The following ENTREP2 variants were observed in gnomAD, a reference collection of about 807,000 sequenced individuals.
ENTREP2 encodes protein ENTREP2.
chr15:29,144,709 G>T, the ENTREP2 span, among the ~76,000 whole-genome samples: 4,637 of 152,038 alleles, frequency 0.03, 217 homozygotes, highest in African/African-American at 0.1. Flanking sequence ...CAGCTGGGGG[G>T]ACAGAGTGAG....
At chr15:29,181,652 C>T in the ENTREP2 span, among the ~76,000 whole-genome samples, 2 of 151,952 alleles carry the variant, frequency 1.3e-5, no homozygotes, top group African/African-American at 2.4e-5. Flanking sequence ...TGTATATTCA[C>T]TATATTAACA....
chr15:29,264,268 C>CA, the ENTREP2 span, among the ~76,000 whole-genome samples: 1 of 151,808 alleles, frequency 6.6e-6, no homozygotes, highest in Admixed American at 6.6e-5. Flanking sequence ...TCCCACTGGC[C>CA]AAATCAGGGA....
chr15:29,220,736 T>G, the ENTREP2 span, among the ~76,000 whole-genome samples: 1 of 152,150 alleles, frequency 6.6e-6, no homozygotes, highest in Non-Finnish European at 1.5e-5. Context: ...TAGGAAAAAG[T>G]TATTTAATTC....
chr15:29,483,967 A>C, the ENTREP2 span, among the ~76,000 whole-genome samples: 1 of 152,182 alleles, frequency 6.6e-6, no homozygotes, highest in African/African-American at 2.4e-5. Flanking sequence ...CACTATGATG[A>C]CACCTCACTG....
At chr15:29,419,382 A>C in the ENTREP2 span, among the ~76,000 whole-genome samples, 2 of 152,206 alleles carry the variant, frequency 1.3e-5, no homozygotes, top group Admixed American at 1.3e-4. Context: ...CAAATTAGAT[A>C]CAGAAGATAA....
chr15:29,365,150 G>A, the ENTREP2 span, among the ~76,000 whole-genome samples: 1 of 152,050 alleles, frequency 6.6e-6, no homozygotes, highest in Non-Finnish European at 1.5e-5. Flanking sequence ...AATGTCATAT[G>A]GTTGGAACTA....
the ENTREP2 span, among the ~76,000 whole-genome samples, chr15:29,406,288 T>A: frequency 6.6e-6 from 1 of 152,376 alleles, no homozygotes; most frequent in East Asian, 1.9e-4. Flanking sequence ...AACATAAGCC[T>A]GTAATCCCAG....
At chr15:29,158,518 G>A in the ENTREP2 span, among the ~76,000 whole-genome samples, 4 of 150,476 alleles carry the variant, frequency 2.7e-5, no homozygotes, top group South Asian at 4.2e-4. Context: ...GGATTCTCCT[G>A]CCTCAGCCTC....
At chr15:29,255,693 C>T in the ENTREP2 span, among the ~76,000 whole-genome samples, 37 of 152,068 alleles carry the variant, frequency 2.4e-4, no homozygotes, top group African/African-American at 7.5e-4. Flanking sequence ...TGGAATACTA[C>T]GCAACCATAA....
At chr15:29,203,989 C>T in the ENTREP2 span, among the ~76,000 whole-genome samples, 1 of 152,142 alleles carries the variant, frequency 6.6e-6, no homozygotes, top group African/African-American at 2.4e-5. Context: ...ATAAAATAAC[C>T]CTTCAATGAC....
At chr15:29,534,209 T>C in the ENTREP2 span, among the ~76,000 whole-genome samples, 2 of 149,124 alleles carry the variant, frequency 1.3e-5, no homozygotes, top group African/African-American at 2.5e-5. Context: ...CAAACCAAAC[T>C]GTGGCTCCAG....
the ENTREP2 span, among the ~76,000 whole-genome samples, chr15:29,176,643 G>C: frequency 2.6e-5 from 4 of 152,226 alleles, no homozygotes; most frequent in Admixed American, 2.6e-4. Context: ...TGAGGTCCTT[G>C]CCAAGCCCAT....
At chr15:29,185,949 T>C in the ENTREP2 span, among the ~76,000 whole-genome samples, 7 of 152,296 alleles carry the variant, frequency 4.6e-5, no homozygotes, top group South Asian at 1.4e-3. Flanking sequence ...TACCAAATGC[T>C]TTAAAAATAA....
chr15:29,240,200 T>C, the ENTREP2 span, among the ~76,000 whole-genome samples: 10 of 151,900 alleles, frequency 6.6e-5, no homozygotes, highest in African/African-American at 2.4e-4. Flanking sequence ...CTGTCTCTAC[T>C]AAAAATACAA....
At chr15:29,654,444 A>G in the ENTREP2 span, among the ~76,000 whole-genome samples, 1 of 152,088 alleles carries the variant, frequency 6.6e-6, no homozygotes, top group Non-Finnish European at 1.5e-5. Flanking sequence ...ACGCTTTGAC[A>G]GAAAGATTTC....
At chr15:29,377,298 T>C in the ENTREP2 span, among the ~76,000 whole-genome samples, 1 of 152,156 alleles carries the variant, frequency 6.6e-6, no homozygotes, top group Non-Finnish European at 1.5e-5. Flanking sequence ...TCAGTTCCAT[T>C]TTGTGGTCCC....
the ENTREP2 span, among the ~76,000 whole-genome samples, chr15:29,480,108 CTAATTA>C: frequency 2.0e-5 from 3 of 151,944 alleles, no homozygotes; most frequent in South Asian, 6.3e-4. Flanking sequence ...CCTCATTATT[CTAATTA>C]TCTCTGCTTT....
the ENTREP2 span, among the ~76,000 whole-genome samples, chr15:29,409,852 C>T: frequency 6.6e-6 from 1 of 152,172 alleles, no homozygotes; most frequent in South Asian, 2.1e-4. Flanking sequence ...AGCCATGATT[C>T]CACCAACTCA....
the ENTREP2 span, among the ~76,000 whole-genome samples, chr15:29,258,577 T>A: frequency 1.3e-5 from 2 of 152,168 alleles, no homozygotes; most frequent in African/African-American, 4.8e-5. Context: ...TGTGGTAAAA[T>A]ATTCATAACA....
Sources: allele counts gnomAD v4.1 joint callset (sites outside exome capture counted in the v4.1 genomes callset), GRCh38; gene constraint gnomAD v4.1.1; transcripts MANE v1.5; gene names NCBI Gene and HGNC (gene_info 2026-07-23, HGNC 2026-07-21).